TIMM50: variants seen among roughly 807,000 people sequenced by gnomAD.
TIMM50 encodes translocase of inner mitochondrial membrane 50, also known as mitochondrial import inner membrane translocase subunit TIM50.
TIMM50 carries 34 observed loss-of-function variants against 49.6 expected under a neutral mutation model. The observed-to-expected ratio is 0.69, with a 90% CI of 0.52 to 0.91. TIMM50 has a LOEUF of 0.91. TIMM50 is among the 40% of genes least tolerant of loss of function. TIMM50 has a pLI of 0.00. For synonymous variants in TIMM50, 199 were observed against 198.4 expected, an observed-to-expected ratio of 1.00 and a Z score of -0.03; for missense variants, 458 against 477.8, an observed-to-expected ratio of 0.96 and a Z score of 0.39.
rs1415373355 is a variant in TIMM50, at chr19:39,491,573, A to G, written c.*1753A>G. 1 of 151,436 alleles carries G rather than the reference A, an allele frequency of 6.6e-6. No individual in the cohort carries two copies. Among genetic ancestry groups the G allele is most frequent in the Non-Finnish European group, 1.5e-5 (1 of 67,892 alleles). 9.4% of individuals were successfully genotyped at this position (151,436 alleles called of 1,614,324 possible). ...AGTGGCTCACGCCTGTAATCCTGAC[A>G]CTTTGGGAGGCCGAAGCAGGAGGAT... On this transcript the variant is annotated 3_prime_UTR_variant, in exon 11 of 11. Coordinates refer to ENST00000607714, the MANE Select transcript of TIMM50 (RefSeq NM_001001563.5).
At position 39,488,012 on chromosome 19, in the gene TIMM50, G is replaced by C. The variant is rs148247631; in HGVS notation, c.697-49G>C. The C allele has an allele frequency of 6.6e-5, 104 of 1,573,180 alleles. No individual in the cohort carries two copies. In the African/African-American group the frequency reaches 1.2e-3, roughly 18 times the overall value. The stretch of plus-strand genomic sequence containing the variant: ...TTGTGTGTTTTGGGTCTTCTTGATG[G>C]GGGGAGAGTTGGGCACAGATGTTGA... On this transcript the variant is annotated intron_variant, in intron 8 of 10. Coordinates refer to ENST00000607714, the MANE Select transcript of TIMM50 (RefSeq NM_001001563.5).
At chr19:39,483,939 C>T (rs1334434665) in intron 4 of TIMM50, among the ~76,000 whole-genome samples, 2 of 152,124 alleles carry the variant, frequency 1.3e-5, no homozygotes, top group Non-Finnish European at 2.9e-5. Flanking sequence ...CTGCAACCTC[C>T]ACCTCCTGGG....
At chr19:39,486,006 A>G (rs930929180) in intron 6 of TIMM50, 181 bp from the exon 7 acceptor site, 14 of 1,094,142 alleles carry the variant, frequency 1.3e-5, no homozygotes, top group African/African-American at 1.1e-4. Flanking sequence ...CAGGCACGCT[A>G]TAAGTGCCAC....
chr19:39,483,386 T>G, intron 4 of TIMM50: 7 of 556,098 alleles, frequency 1.3e-5, no homozygotes, highest in East Asian at 3.1e-5. Context: ...ATTGGAGCCT[T>G]GGGTGGGAGG....
chr19:39,485,862 A>G, intron 6 of TIMM50, 55 bp downstream of exon 6: 2 of 1,606,942 alleles, frequency 1.2e-6, no homozygotes, highest in South Asian at 1.1e-5. Flanking sequence ...TGGGGTTGTG[A>G]TGAGGTGGAC....
Position 39,490,027 on chromosome 19 carries a change from G to C in TIMM50, c.*207G>C, listed in dbSNP as rs1245750153. 1 of 581,054 alleles carries C rather than the reference G, an allele frequency of 1.7e-6. No individual in the cohort carries two copies. Among genetic ancestry groups the C allele is most frequent in the African/African-American group, 1.9e-5 (1 of 53,608 alleles). 36.0% of individuals were successfully genotyped at this position (581,054 alleles called of 1,614,324 possible). On this transcript the variant is annotated 3_prime_UTR_variant, in exon 11 of 11. Transcript: ENST00000607714. ...CTGATCGGCTGCCAAGCACAGTGGG[G>C]GTGCTTTGTTGGATCAGAGCAGATT... is the stretch of plus-strand genomic sequence containing the variant.
chr19:39,487,601 G>T (rs1293815367), intron 8 of TIMM50, among the ~76,000 whole-genome samples: 2 of 152,086 alleles, frequency 1.3e-5, no homozygotes, highest in Non-Finnish European at 2.9e-5. Flanking sequence ...GGGACTACAA[G>T]CACACACCAC....
intron 2 of TIMM50, 35 bp from the exon 3 acceptor site, chr19:39,482,850 C>T: frequency 6.2e-7 from 1 of 1,613,944 alleles, no homozygotes; most frequent in South Asian, 1.1e-5. Context: ...GGACTGGGCC[C>T]TAATTCCTCA....
intron 1 of TIMM50, 101 bp from the exon 2 acceptor site, chr19:39,481,782 T>A (rs1374716820): frequency 6.9e-7 from 1 of 1,455,056 alleles, no homozygotes; most frequent in African/African-American, 1.4e-5. Flanking sequence ...TCTGTGGGTG[T>A]CTGCCTCTTG....
At chr19:39,488,365 A>G in intron 9 of TIMM50, 148 bp downstream of exon 9, 1 of 1,165,956 alleles carries the variant, frequency 8.6e-7, no homozygotes, top group Non-Finnish European at 1.2e-6. Context: ...TAGGATGTTC[A>G]TGGAATGTTT....
intron 4 of TIMM50, chr19:39,483,359 T>A: frequency 1.6e-6 from 1 of 621,714 alleles, no homozygotes; most frequent in Non-Finnish European, 2.8e-6. Context: ...GAGCAGATGG[T>A]CAGAGACAGA....
Position 39,486,378 on chromosome 19 carries a change from G to T in TIMM50, c.598-19G>T. 1 of 1,613,628 alleles carries T rather than the reference G, an allele frequency of 6.2e-7. No homozygotes were observed. The highest frequency in any genetic ancestry group is 1.3e-5 in the African/African-American group (1 of 74,996). On this transcript the variant is annotated intron_variant, in intron 7 of 10. Coordinates refer to ENST00000607714, the MANE Select transcript of TIMM50 (RefSeq NM_001001563.5). ...CCAGGGCTCAGCCTGACCTTTTCTC[G>T]CTCCCTTCCCACCCCCAGACTGCGT...
At chr19:39,486,125 C>G in intron 6 of TIMM50, 62 bp from the exon 7 acceptor site, 1 of 1,510,814 alleles carries the variant, frequency 6.6e-7, no homozygotes, top group Non-Finnish European at 9.2e-7. Flanking sequence ...GGATCTTTGT[C>G]CTCTTGGGGA....
intron 9 of TIMM50, 127 bp downstream of exon 9, chr19:39,488,344 T>G (rs1379651482): frequency 4.1e-6 from 5 of 1,217,252 alleles, no homozygotes; most frequent in Non-Finnish European, 5.8e-6. Context: ...TTGGAGTCTT[T>G]AGGAGCTTCT....
Position 39,492,870 on chromosome 19 carries a change from CCAAAAAAAAAAAAAAAAAAAAA to C in TIMM50, c.*3062_*3083del, listed in dbSNP as rs1156839024. The C allele has an allele frequency of 1.6e-3, 4 of 2,554 alleles. No individual in the cohort carries two copies. Among genetic ancestry groups the C allele is most frequent in the Admixed American group, 6.7e-3 (1 of 150 alleles). 0.2% of individuals were successfully genotyped at this position (2,554 alleles called of 1,614,324 possible). ...TGGGCGACAGAGTAAGGCTCTGTCT[CCAAAAAAAAAAAAAAAAAAAAA>C]CAAAAAAAAAACCAGTTTGACTTTA... On this transcript the variant is annotated 3_prime_UTR_variant, in exon 11 of 11. Transcript: ENST00000607714.
Position 39,489,710 on chromosome 19 carries a change from CT to C in TIMM50, c.961-8del. On this transcript the variant is annotated splice_region_variant and splice_polypyrimidine_tract_variant and intron_variant, in intron 10 of 10. Coordinates refer to ENST00000607714, the MANE Select transcript of TIMM50 (RefSeq NM_001001563.5). Reference sequence around the variant, plus strand: ...CTGACCCTCTCCTCCAACTGTCCCCCTACCCCAGGAGGAGCAGCAGCGCCTG... The same window carrying C: ...CTGACCCTCTCCTCCAACTGTCCCCCACCCCAGGAGGAGCAGCAGCGCCTG... 6.2e-7 allele frequency: 1 copy of C among 1,600,162 alleles called. No individual in the cohort carries two copies. Among genetic ancestry groups the C allele is most frequent in the East Asian group, 2.3e-5 (1 of 44,422 alleles).
intron 3 of TIMM50, 42 bp from the exon 4 acceptor site, chr19:39,483,093 C>T (rs749874851): frequency 6.2e-7 from 1 of 1,613,928 alleles, no homozygotes; most frequent in East Asian, 2.2e-5. Context: ...GGGGTTCTGC[C>T]TCTGACATCC....
chr19:39,489,589 A>G (rs2079530511), intron 10 of TIMM50, 130 bp from the exon 11 acceptor site: 7 of 871,404 alleles, frequency 8.0e-6, no homozygotes, highest in South Asian at 1.8e-5. Flanking sequence ...GTTTGGGGAA[A>G]GGGGTCTGGA....
In TIMM50 at chr19:39,481,967, A is replaced by C. The variant is rs923088785; in HGVS notation, c.193A>C (p.Lys65Gln). ...PGSEGPSYAKKVALWLAGLLG... is the reference protein window; with the variant it reads ...PGSEGPSYAKQVALWLAGLLG... The stretch of plus-strand genomic sequence containing the variant: ...CTCAGAGGGTCCCAGCTATGCCAAA[A>C]AAGTTGCGCTCTGGCTTGCTGGGCT... Residue 65 changes from lysine (K) to glutamine (Q), a missense_variant, in exon 2 of 11, where the codon AAA (lysine) becomes CAA (glutamine). By Grantham distance (53) the Lys-to-Gln change is moderately conservative. Coordinates refer to ENST00000607714, the MANE Select transcript of TIMM50 (RefSeq NM_001001563.5). The C allele has an allele frequency of 6.2e-7, 1 of 1,614,118 alleles. No homozygotes were observed. The highest frequency in any genetic ancestry group is 1.7e-5 in the Admixed American group (1 of 60,014).
Sources: allele counts gnomAD v4.1 joint callset (sites outside exome capture counted in the v4.1 genomes callset), GRCh38; gene constraint gnomAD v4.1.1; transcripts MANE v1.5; gene names NCBI Gene and HGNC (gene_info 2026-07-23, HGNC 2026-07-21).